The following PERP variants were observed in gnomAD, a reference collection of about 807,000 sequenced individuals.
The protein encoded by PERP is p53 apoptosis effector related to PMP-22.
In PERP, 11 loss-of-function variants were observed where a neutral mutation model predicts 20.3. That is an observed-to-expected ratio of 0.54 (90% CI 0.34 to 0.90). The LOEUF (loss-of-function observed/expected upper bound fraction) is 0.90, where lower values mean the gene tolerates loss of function less well. Among genes scored for constraint, PERP ranks in the 40% least tolerant of loss-of-function variants. The pLI, the probability that PERP is intolerant of heterozygous loss-of-function variation, is 0.02. For synonymous variants in PERP, 101 were observed against 102.0 expected, an observed-to-expected ratio of 0.99 and a Z score of 0.06; for missense variants, 224 against 249.4, an observed-to-expected ratio of 0.90 and a Z score of 0.69.
chr6:138,103,655 T>C (rs992155023), intron 1 of PERP, among the ~76,000 whole-genome samples: 2 of 152,224 alleles, frequency 1.3e-5, no homozygotes, highest in Non-Finnish European at 2.9e-5. Context: ...ATTATTACAC[T>C]GTATAATATA....
At chr6:138,106,459 GCGAGTGTAGGGA>G (rs560627052) in intron 1 of PERP, among the ~76,000 whole-genome samples, 298 of 152,286 alleles carry the variant, frequency 2.0e-3, no homozygotes, top group South Asian at 3.5e-3. Flanking sequence ...GCTTCACGTC[GCGAGTGTAGGGA>G]ATGTGTTTGC....
At chr6:138,106,070 G>A (rs1362045578) in intron 1 of PERP, among the ~76,000 whole-genome samples, 1 of 152,192 alleles carries the variant, frequency 6.6e-6, no homozygotes, top group Non-Finnish European at 1.5e-5. Context: ...GATTGGGTTG[G>A]AAGCCCTGGG....
At chr6:138,104,956 G>A (rs1421973152) in intron 1 of PERP, among the ~76,000 whole-genome samples, 1 of 151,928 alleles carries the variant, frequency 6.6e-6, no homozygotes, top group African/African-American at 2.4e-5. Flanking sequence ...TTCTACAATT[G>A]TGAGGCAAAA....
Position 138,090,330 on chromosome 6 carries a change from T to A in PERP, c.*1712A>T, listed in dbSNP as rs1775557600. ...GACATACACCATAGTGGAAGTAACA[T>A]ATGACTTATGGTGGGAAAAAAAATA... On this transcript the variant is annotated 3_prime_UTR_variant, in exon 3 of 3. Transcript: ENST00000421351. 1 of 151,856 alleles carries A rather than the reference T, an allele frequency of 6.6e-6. No homozygotes were observed. Among genetic ancestry groups the A allele is most frequent in the Admixed American group, 6.6e-5 (1 of 15,228 alleles). The allele number at this position is 151,856 out of a possible 1,614,324, so 9.4% of individuals were successfully genotyped here.
chr6:138,096,282 T>C lies in PERP; in HGVS notation c.355+72A>G. 5 of 1,548,452 alleles carry C rather than the reference T, an allele frequency of 3.2e-6. No homozygotes were observed. The South Asian group carries it at 6.0e-5, about 18-fold the overall frequency. On this transcript the variant is annotated intron_variant, in intron 2 of 2. Transcript: ENST00000421351. ...AACTGTAACAGTCACGGGTCTTCTT[T>C]GTGGAATTGACCATTACTAAGTCGA...
chr6:138,103,546 A>C (rs1160073908), intron 1 of PERP, among the ~76,000 whole-genome samples: 1 of 152,182 alleles, frequency 6.6e-6, no homozygotes, highest in Non-Finnish European at 1.5e-5. Flanking sequence ...AGTGGTCCCC[A>C]ACATTTTTGG....
At chr6:138,101,341 G>A (rs773279150) in intron 1 of PERP, among the ~76,000 whole-genome samples, 4 of 152,312 alleles carry the variant, frequency 2.6e-5, no homozygotes, top group Admixed American at 6.5e-5. Flanking sequence ...CTGCACTCTA[G>A]CCTGAGCAAC....
chr6:138,096,104 G>A (rs1424524922), intron 2 of PERP, among the ~76,000 whole-genome samples: 1 of 152,166 alleles, frequency 6.6e-6, no homozygotes, highest in Non-Finnish European at 1.5e-5. Flanking sequence ...CCCCCTAAGA[G>A]AGATAGGGGC....
At position 138,088,827 on chromosome 6, in the gene PERP, G is replaced by A. The variant is rs1457927103; in HGVS notation, c.*3215C>T. 6.6e-6 allele frequency: 1 copy of A among 152,150 alleles called. No homozygotes were observed. The highest frequency in any genetic ancestry group is 2.4e-5 in the African/African-American group (1 of 41,438). The allele number at this position is 152,150 out of a possible 1,614,324, so 9.4% of individuals were successfully genotyped here. On this transcript the variant is annotated 3_prime_UTR_variant, in exon 3 of 3. Coordinates refer to ENST00000421351, the MANE Select transcript of PERP (RefSeq NM_022121.5). The stretch of plus-strand genomic sequence containing the variant: ...ATGGGGTTGCAAGCCCAGCCTGTCT[G>A]CAGGAATTTTTAAATCTGAAACCAC...
chr6:138,101,214 A>G (rs1305744319), intron 1 of PERP, among the ~76,000 whole-genome samples: 1 of 152,082 alleles, frequency 6.6e-6, no homozygotes, highest in Non-Finnish European at 1.5e-5. Flanking sequence ...TACTAAAAAT[A>G]CAAAAATTAA....
At chr6:138,096,271 C>T (rs76259604) in intron 2 of PERP, 83 bp downstream of exon 2, 66,644 of 1,495,540 alleles carry the variant, frequency 0.045, 1,869 homozygotes, top group South Asian at 0.1. Context: ...GTAACAGTCA[C>T]GGGTCTTCTT....
At chr6:138,094,033 C>T (rs984486882) in intron 2 of PERP, among the ~76,000 whole-genome samples, 11 of 152,176 alleles carry the variant, frequency 7.2e-5, no homozygotes, top group Admixed American at 5.9e-4. Context: ...TCTGCTACCC[C>T]GTCACTGTGG....
chr6:138,099,444 A>C (rs1483916869), intron 1 of PERP, among the ~76,000 whole-genome samples: 1 of 152,228 alleles, frequency 6.6e-6, no homozygotes, highest in African/African-American at 2.4e-5. Context: ...CAGAAGTTTG[A>C]AACTGCAATG....
At chr6:138,095,760 A>G (rs1775677752) in intron 2 of PERP, among the ~76,000 whole-genome samples, 1 of 152,160 alleles carries the variant, frequency 6.6e-6, no homozygotes, top group African/African-American at 2.4e-5. Flanking sequence ...CTTGTATTCC[A>G]TCAATAAATA....
In PERP at chr6:138,088,922, G is replaced by GT. The variant is rs1387233421; in HGVS notation, c.*3119dup. 2.6e-5 allele frequency: 4 copies of GT among 152,204 alleles called. No homozygotes were observed. The highest frequency in any genetic ancestry group is 5.9e-5 in the Non-Finnish European group (4 of 68,042). The allele number at this position is 152,204 out of a possible 1,614,324, so 9.4% of individuals were successfully genotyped here. The stretch of plus-strand genomic sequence containing the variant: ...TGTAAAAATAAGTGTTGCAGGAAGA[G>GT]TGAGGAAGAGGGAATTTAAAAGAGG... On this transcript the variant is annotated 3_prime_UTR_variant, in exon 3 of 3. Transcript: ENST00000421351.
Position 138,092,132 on chromosome 6 carries a change from A to T in PERP, c.492T>A (p.Ile164=). The change falls in exon 3 of 3, where the codon ATT becomes ATA. Residue 164 remains isoleucine, a synonymous_variant. Transcript: ENST00000421351. ...GFGWAATIIL[I]GCAFFFCCLP... ...GGCAGCAGAAGAAGAAGGCACAGCC[A>T]ATCAGGATAATCGTGGCTGCCCACC... The T allele has an allele frequency of 6.2e-7, 1 of 1,613,770 alleles. No individual in the cohort carries two copies. Among genetic ancestry groups the T allele is most frequent in the Non-Finnish European group, 8.5e-7 (1 of 1,179,894 alleles).
chr6:138,096,069 C>T (rs1240957700), intron 2 of PERP, among the ~76,000 whole-genome samples: 3 of 152,058 alleles, frequency 2.0e-5, no homozygotes, highest in East Asian at 1.9e-4. Context: ...CCTAGTTTCT[C>T]GGGTAGAGGA....
intron 1 of PERP, among the ~76,000 whole-genome samples, chr6:138,096,719 C>T (rs2114335318): frequency 6.6e-6 from 1 of 152,124 alleles, no homozygotes; most frequent in East Asian, 1.9e-4. Context: ...ATGCCTTTTC[C>T]CCCTCAGTTT....
rs1335069692 is a variant in PERP at position 138,092,198 on chromosome 6, G to A, written c.426C>T (p.Asn142=). The A allele has an allele frequency of 1.9e-6, 3 of 1,614,160 alleles. No individual in the cohort carries two copies. Among genetic ancestry groups the A allele is most frequent in the Non-Finnish European group, 2.5e-6 (3 of 1,179,992 alleles). The change falls in exon 3 of 3, where the codon AAC becomes AAT. Residue 142 remains asparagine (N), a synonymous_variant. Transcript: ENST00000421351. ...KYTQTFTLHA[N]PAVTYIYNWA... ...AGTTATAGATGTAAGTGACAGCAGG[G>A]TTGGCATGAAGGGTGAAGGTCTGGG... is the stretch of plus-strand genomic sequence containing the variant.
Sources: gnomAD v4.1 joint callset for allele counts (sites outside exome capture counted in the v4.1 genomes callset) on GRCh38, gnomAD v4.1.1 for gene constraint, MANE v1.5 for transcripts, NCBI Gene and HGNC (gene_info 2026-07-23, HGNC 2026-07-21) for gene names.